The following TENM4 variants were observed in gnomAD, a reference collection of about 807,000 sequenced individuals.
TENM4 encodes teneurin-4.
A neutral mutation model predicts 243.3 loss-of-function variants in TENM4; 82 were observed. That is an observed-to-expected ratio of 0.34 (90% CI 0.28 to 0.40). The LOEUF (loss-of-function observed/expected upper bound fraction) is 0.40. TENM4 is among the 10% of genes least tolerant of loss of function. The pLI is 1.00. For missense variants in TENM4, 3,138 were observed against 3,673.3 expected (o/e 0.85, Z 3.77); for synonymous variants, 1,412 against 1,456.3 (o/e 0.97, Z 0.69).
chr11:79,003,059 A>G (rs188380149), intron 6 of TENM4, among the ~76,000 whole-genome samples: 58 of 152,328 alleles, frequency 3.8e-4, no homozygotes, highest in African/African-American at 1.3e-3. Flanking sequence ...GAGAAAACAG[A>G]GCTTGAAGAC....
intron 12 of TENM4, among the ~76,000 whole-genome samples, chr11:78,837,956 T>C (rs919337308): frequency 5.3e-5 from 8 of 152,216 alleles, no homozygotes; most frequent in African/African-American, 1.7e-4. Flanking sequence ...CTTTAAGAGA[T>C]ACTCTCAGAA....
intron 9 of TENM4, among the ~76,000 whole-genome samples, chr11:78,867,824 C>T (rs536731367): frequency 6.6e-6 from 1 of 152,140 alleles, no homozygotes; most frequent in African/African-American, 2.4e-5. Context: ...CTGGAGACCA[C>T]AGAGCTGGTA....
At chr11:79,437,573 G>A (rs1182508870) in intron 1 of TENM4, among the ~76,000 whole-genome samples, 1 of 152,234 alleles carries the variant, frequency 6.6e-6, no homozygotes, top group Non-Finnish European at 1.5e-5. Flanking sequence ...GGAGCCCAAA[G>A]TTGGCGGCGT....
chr11:79,327,649 CTTTTTTTTTTT>C (rs11408549), intron 1 of TENM4, among the ~76,000 whole-genome samples: 1 of 119,796 alleles, frequency 8.3e-6, no homozygotes, highest in South Asian at 3.1e-4. Flanking sequence ...AATTGGAAAG[CTTTTTTTTTTT>C]TTTTTTTTTT....
intron 6 of TENM4, among the ~76,000 whole-genome samples, chr11:78,947,985 C>T (rs1163476149): frequency 6.6e-6 from 1 of 152,138 alleles, no homozygotes; most frequent in African/African-American, 2.4e-5. Context: ...TGAAAAAAAG[C>T]ACCCAATCTC....
intron 19 of TENM4, among the ~76,000 whole-genome samples, chr11:78,744,723 A>C (rs1374670520): frequency 6.6e-6 from 1 of 152,254 alleles, no homozygotes; most frequent in East Asian, 1.9e-4. Context: ...GCATTCATTT[A>C]TAAATCGCAC....
intron 2 of TENM4, among the ~76,000 whole-genome samples, chr11:79,230,221 A>T (rs1864349530): frequency 6.6e-6 from 1 of 152,184 alleles, no homozygotes; most frequent in Non-Finnish European, 1.5e-5. Context: ...GGTCATCCTT[A>T]GCCACTGTTC....
chr11:79,395,247 T>C (rs1858318738), intron 1 of TENM4, among the ~76,000 whole-genome samples: 1 of 152,194 alleles, frequency 6.6e-6, no homozygotes, highest in Non-Finnish European at 1.5e-5. Flanking sequence ...TCCAGTCCCT[T>C]GCTGTCAGCA....
At chr11:78,658,884 C>T in intron 33 of TENM4, 68 bp from the exon 34 acceptor site, 1 of 1,522,968 alleles carries the variant, frequency 6.6e-7, no homozygotes, top group Middle Eastern at 2.5e-4. Context: ...CCTGGAGAAT[C>T]AGCTTAAATA....
intron 6 of TENM4, among the ~76,000 whole-genome samples, chr11:78,939,424 G>A (rs1209713970): frequency 2.6e-5 from 4 of 152,210 alleles, no homozygotes; most frequent in Non-Finnish European, 5.9e-5. Flanking sequence ...AAGGAACATG[G>A]TATTAGCAAT....
intron 30 of TENM4, 57 bp from the exon 31 acceptor site, chr11:78,672,386 C>G (rs12361410): frequency 6.4e-7 from 1 of 1,560,116 alleles, no homozygotes; most frequent in African/African-American, 1.3e-5. Context: ...GAACTTTGGT[C>G]TGATGGGCCA....
At chr11:78,948,633 A>T (rs537221743) in intron 6 of TENM4, among the ~76,000 whole-genome samples, 6 of 152,130 alleles carry the variant, frequency 3.9e-5, no homozygotes, top group Non-Finnish European at 7.3e-5. Context: ...GGCCTCCCAA[A>T]GTGCTGGGAT....
chr11:78,916,055 T>C (rs1457758616), intron 6 of TENM4, among the ~76,000 whole-genome samples: 1 of 152,170 alleles, frequency 6.6e-6, no homozygotes, highest in Admixed American at 6.5e-5. Context: ...TTACAGACCT[T>C]TTCTGGACCC....
intron 18 of TENM4, among the ~76,000 whole-genome samples, chr11:78,766,502 G>A (rs781499984): frequency 1.3e-5 from 2 of 152,140 alleles, no homozygotes; most frequent in Non-Finnish European, 2.9e-5. Context: ...CTTTGAGTAG[G>A]TGAGTTAGGG....
intron 12 of TENM4, among the ~76,000 whole-genome samples, chr11:78,817,301 A>C (rs951475649): frequency 2.0e-5 from 3 of 152,182 alleles, no homozygotes; most frequent in Non-Finnish European, 2.9e-5. Flanking sequence ...ACTATTTTTA[A>C]AGTTTGGAAA....
chr11:78,987,614 C>T (rs1857948214), intron 6 of TENM4, among the ~76,000 whole-genome samples: 1 of 152,180 alleles, frequency 6.6e-6, no homozygotes, highest in African/African-American at 2.4e-5. Context: ...GTACTTTACA[C>T]ACTGTAATGC....
intron 1 of TENM4, among the ~76,000 whole-genome samples, chr11:79,425,146 G>A (rs1002594073): frequency 2.6e-5 from 4 of 151,994 alleles, no homozygotes; most frequent in Non-Finnish European, 5.9e-5. Flanking sequence ...AGCTCACTCC[G>A]CAGGCCCTTA....
Position 78,670,558 on chromosome 11 carries a change from G to A in TENM4, c.5794-7C>T, listed in dbSNP as rs1338108424. On this transcript the variant is annotated splice_region_variant and splice_polypyrimidine_tract_variant and intron_variant, in intron 31 of 33. Coordinates refer to ENST00000278550, the MANE Select transcript of TENM4 (RefSeq NM_001098816.3). ...GTAGTAGCAGCACCATGGACTGGAG[G>A]GAGAGGAAAACCAAGAGATGAGAGG... is the stretch of plus-strand genomic sequence containing the variant. The A allele has an allele frequency of 1.9e-6, 3 of 1,592,296 alleles. No homozygotes were observed. Among genetic ancestry groups the A allele is most frequent in the Non-Finnish European group, 2.6e-6 (3 of 1,168,334 alleles).
At chr11:79,383,577 C>CTGGTGTGTCTTCAT (rs1171595056) in intron 1 of TENM4, among the ~76,000 whole-genome samples, 1 of 152,208 alleles carries the variant, frequency 6.6e-6, no homozygotes, top group African/African-American at 2.4e-5. Context: ...CACCACCTCA[C>CTGGTGTGTCTTCAT]TGGTGTGTCT....
Sources: gnomAD v4.1 joint callset for allele counts (sites outside exome capture counted in the v4.1 genomes callset) on GRCh38, gnomAD v4.1.1 for gene constraint, MANE v1.5 for transcripts, NCBI Gene and HGNC (gene_info 2026-07-23, HGNC 2026-07-21) for gene names.